Variants in LPCAT4 observed in about 807,000 individuals in gnomAD.
LPCAT4 encodes the protein lysophospholipid acyltransferase LPCAT4.
A neutral mutation model predicts 66.5 loss-of-function variants in LPCAT4; 30 were observed. The observed-to-expected ratio is 0.45, with a 90% confidence interval of 0.34 to 0.61. The LOEUF (loss-of-function observed/expected upper bound fraction) is 0.61. Among genes scored for constraint, LPCAT4 ranks in the 20% least tolerant of loss-of-function variants. LPCAT4 has a pLI of 0.01. For missense variants in LPCAT4, 557 were observed against 656.7 expected, an observed-to-expected ratio of 0.85 and a Z score of 1.66; for synonymous variants, 253 against 262.1, an observed-to-expected ratio of 0.97 and a Z score of 0.34.
chr15:34,362,537 G>A (rs376418847), intron 9 of LPCAT4, 36 bp downstream of exon 9: 55 of 1,520,902 alleles, frequency 3.6e-5, no homozygotes, highest in Non-Finnish European at 4.6e-5. Flanking sequence ...TTTGCCCTGT[G>A]CAACTGCTCC....
At position 34,362,197 on chromosome 15, in the gene LPCAT4, C is replaced by G; in HGVS notation, c.1009G>C (p.Gly337Arg). The G allele has an allele frequency of 6.2e-7, 1 of 1,613,790 alleles. No homozygotes were observed. The highest frequency in any genetic ancestry group is 1.1e-5 in the South Asian group (1 of 91,064). ...WELGKVLRKAGLSAGYVDAGA... is the reference protein window; with the variant it reads ...WELGKVLRKARLSAGYVDAGA... ...ACCCTCATTTCCAAGACCACTTACC[C>G]AGCCTTCCGAAGCACTTTTCCCAGT... The change falls in exon 10 of 14, where the codon GGG becomes CGG. Residue 337 changes from glycine (G) to arginine (R), a missense_variant and splice_region_variant. Transcript: ENST00000314891.
In LPCAT4 at chr15:34,360,122, G is replaced by A. The variant is rs2140165250; in HGVS notation, c.1231C>T (p.Leu411=). 6.2e-7 allele frequency: 1 copy of A among 1,612,078 alleles called. No homozygotes were observed. Among genetic ancestry groups the A allele is most frequent in the Non-Finnish European group, 8.5e-7 (1 of 1,179,050 alleles). ...GGRSLEELTR[L]AFELFAEEQA... is the part of the protein sequence containing the mutation. ...CCACCCCCCATTACCTCAAAGGCCA[G>A]ACGAGTTAGCTCTTCCAGGCTCCTG... is the stretch of plus-strand genomic sequence containing the variant. Residue 411 remains leucine, a synonymous_variant, in exon 12 of 14, where the codon CTG becomes TTG. Transcript: ENST00000314891.
intron 12 of LPCAT4, 147 bp downstream of exon 12, chr15:34,359,964 G>T: frequency 1.2e-6 from 1 of 814,172 alleles, no homozygotes; most frequent in Non-Finnish European, 2.0e-6. Context: ...GAGGCCGGGG[G>T]TCTGCAGTTT....
At chr15:34,365,749 C>T (rs765313082) in intron 1 of LPCAT4, 48 bp from the exon 2 acceptor site, 1 of 1,597,868 alleles carries the variant, frequency 6.3e-7, no homozygotes, top group Non-Finnish European at 8.5e-7. Context: ...GATATGCTCC[C>T]TCCACAGCAT....
intron 3 of LPCAT4, chr15:34,364,662 C>G (rs1891033228): frequency 7.4e-6 from 2 of 269,004 alleles, no homozygotes; most frequent in South Asian, 1.3e-4. Context: ...CCATGTTGGT[C>G]AGGCTGGTCT....
chr15:34,362,794 A>G lies in LPCAT4; in HGVS notation c.789T>C (p.Ile263=), dbSNP rs1890978491. ...ACGGGAGCCATACCTCCACATCCAC[A>G]ATGCTGCAGGGCTGAGAGGCTGTGA... ...LWLTASQPCS[I]VDVEFLPVYH... Residue 263 remains isoleucine, a synonymous_variant, in exon 8 of 14, where the codon ATT becomes ATC. Coordinates refer to ENST00000314891, the MANE Select transcript of LPCAT4 (RefSeq NM_153613.3). 1 of 1,614,024 alleles carries G rather than the reference A, an allele frequency of 6.2e-7. No individual in the cohort carries two copies.
chr15:34,364,260 C>G lies in LPCAT4; in HGVS notation c.525G>C (p.Pro175=). 1 of 1,614,096 alleles carries G rather than the reference C, an allele frequency of 6.2e-7. No homozygotes were observed. Among genetic ancestry groups the G allele is most frequent in the Non-Finnish European group, 8.5e-7 (1 of 1,179,960 alleles). The part of the protein sequence containing the change: ...NQAILVSRHD[P]ASRRRVVEEV... The stretch of plus-strand genomic sequence containing the variant: ...CCTCCACCACTCTGCGTCGAGAAGC[C>G]GGGTCATGCCGGGATACCAGGATGG... Residue 175 remains proline, a synonymous_variant, in exon 4 of 14, where the codon CCG becomes CCC. Coordinates refer to ENST00000314891, the MANE Select transcript of LPCAT4 (RefSeq NM_153613.3).
rs1281613502 is a variant in LPCAT4 at position 34,363,937 on chromosome 15, G to A, written c.652+76C>T. Reference sequence around the variant, plus strand: ...CATCCCTCCCCCTCTTCTACTTCTTGGGTTATTTCAGAGTCCCTCCCCAAA... The same window carrying A: ...CATCCCTCCCCCTCTTCTACTTCTTAGGTTATTTCAGAGTCCCTCCCCAAA... On this transcript the variant is annotated intron_variant, in intron 5 of 13. Coordinates refer to ENST00000314891, the MANE Select transcript of LPCAT4 (RefSeq NM_153613.3). The surrounding 1 kb of genome is among the most constrained non-coding windows in gnomAD (Gnocchi z 4.3). 1.4e-5 allele frequency: 21 copies of A among 1,475,624 alleles called. No homozygotes were observed. The highest frequency in any genetic ancestry group is 1.9e-5 in the Non-Finnish European group (20 of 1,060,816). 91.4% of individuals were successfully genotyped at this position (1,475,624 alleles called of 1,614,324 possible).
At chr15:34,366,209 G>A (rs907525260) in intron 1 of LPCAT4, among the ~76,000 whole-genome samples, 3 of 152,216 alleles carry the variant, frequency 2.0e-5, no homozygotes, top group African/African-American at 4.8e-5. Context: ...CTGCTCAACA[G>A]CAATCTTAGA....
intron 1 of LPCAT4, among the ~76,000 whole-genome samples, chr15:34,366,354 G>A (rs1486988505): frequency 4.6e-5 from 7 of 152,164 alleles, no homozygotes; most frequent in African/African-American, 1.7e-4. Context: ...GCCTGCCTCC[G>A]GGGAGGTGAT....
chr15:34,364,187 T>C lies in LPCAT4; in HGVS notation c.591+7A>G, dbSNP rs761841077. Reference sequence around the variant, plus strand: ...AGTGAGAAGATGGTCTTGAGACCCTTACCCACCTGCGGCCACTTGCCTCCT... The same window carrying C: ...AGTGAGAAGATGGTCTTGAGACCCTCACCCACCTGCGGCCACTTGCCTCCT... On this transcript the variant is annotated splice_region_variant and intron_variant, in intron 4 of 13. Coordinates refer to ENST00000314891, the MANE Select transcript of LPCAT4 (RefSeq NM_153613.3). 2 of 1,606,780 alleles carry C rather than the reference T, an allele frequency of 1.2e-6. No individual in the cohort carries two copies. Among genetic ancestry groups the C allele is most frequent in the East Asian group, 4.5e-5 (2 of 44,864 alleles).
At chr15:34,360,041 C>G in intron 12 of LPCAT4, 70 bp downstream of exon 12, 1 of 1,303,862 alleles carries the variant, frequency 7.7e-7, no homozygotes, top group Non-Finnish European at 1.1e-6. Context: ...AACAGCATAC[C>G]AAAATAGGCC....
At chr15:34,361,650 C>T in intron 10 of LPCAT4, 118 bp from the exon 11 acceptor site, 2 of 1,179,934 alleles carry the variant, frequency 1.7e-6, no homozygotes, top group Non-Finnish European at 2.4e-6. Context: ...TGCTGTTTTT[C>T]TAAGATGTAC....
chr15:34,367,159 A>C lies in LPCAT4; in HGVS notation c.-59T>G. The C allele has an allele frequency of 7.4e-7, 1 of 1,358,572 alleles. No homozygotes were observed. The highest frequency in any genetic ancestry group is 1.5e-5 in the African/African-American group (1 of 64,790). 84.2% of individuals were successfully genotyped at this position (1,358,572 alleles called of 1,614,324 possible). On this transcript the variant is annotated 5_prime_UTR_variant, in exon 1 of 14. Transcript: ENST00000314891. ...CCTGGCCCCGGCCACCACTCTGCAG[A>C]GCAGCTGCTGCTGCAGCAGCGGCGG...
chr15:34,359,867 C>G (rs1709746012), intron 12 of LPCAT4, 122 bp from the exon 13 acceptor site: 3 of 990,116 alleles, frequency 3.0e-6, no homozygotes, highest in Non-Finnish European at 4.4e-6. Context: ...CTTCCCTGAC[C>G]CTCCAGTGCC....
At chr15:34,360,036 C>T in intron 12 of LPCAT4, 75 bp downstream of exon 12, 1 of 1,231,846 alleles carries the variant, frequency 8.1e-7, no homozygotes, top group Non-Finnish European at 1.2e-6. Context: ...CTGGAAACAG[C>T]ATACCAAAAT....
At chr15:34,359,870 C>A in intron 12 of LPCAT4, 125 bp from the exon 13 acceptor site, 1 of 999,492 alleles carries the variant, frequency 1.0e-6, no homozygotes, top group African/African-American at 1.6e-5. Context: ...CCCTGACCCT[C>A]CAGTGCCCTT....
Position 34,362,777 on chromosome 15 carries a change from CA to C in LPCAT4, c.801+4del. 1 of 1,614,156 alleles carries C rather than the reference CA, an allele frequency of 6.2e-7. No homozygotes were observed. The highest frequency in any genetic ancestry group is 8.5e-7 in the Non-Finnish European group (1 of 1,179,994). On this transcript the variant is annotated splice_donor_region_variant and intron_variant, in intron 8 of 13. Transcript: ENST00000314891. ...CTTCTCCCACCGCCCCCACGGGAGC[CA>C]TACCTCCACATCCACAATGCTGCAG...
At chr15:34,361,598 C>A in intron 10 of LPCAT4, 66 bp from the exon 11 acceptor site, 1 of 1,594,042 alleles carries the variant, frequency 6.3e-7, no homozygotes, top group South Asian at 1.1e-5. Flanking sequence ...ATCAGCAGGA[C>A]TTCAGCCCCA....
Sources: allele counts gnomAD v4.1 joint callset (sites outside exome capture counted in the v4.1 genomes callset), GRCh38; gene constraint gnomAD v4.1.1; non-coding constraint Gnocchi (gnomAD v3.1); transcripts MANE v1.5; gene names NCBI Gene and HGNC (gene_info 2026-07-23, HGNC 2026-07-21).